The following PRKCG variants were observed in gnomAD, a reference collection of about 807,000 sequenced individuals.
PRKCG encodes the protein protein kinase C gamma type.
Under a neutral mutation model 82.0 loss-of-function variants are expected in PRKCG, and 28 were observed. The ratio of observed to expected loss-of-function variants is 0.34; its 90% CI spans 0.25 to 0.47. The LOEUF is 0.47. PRKCG is among the 20% of genes least tolerant of loss of function. The pLI is 1.00. For missense variants in PRKCG, 640 were observed against 952.7 expected, an observed-to-expected ratio of 0.67 and a Z score of 4.32; for synonymous variants, 383 against 376.6, an observed-to-expected ratio of 1.02 and a Z score of -0.20.
intron 11 of PRKCG, among the ~76,000 whole-genome samples, chr19:53,898,869 GGGTGGAGGGGCTCCTCGGGGGCGTGGCCA>G (rs2068740001): frequency 7.6e-6 from 1 of 131,536 alleles, no homozygotes; most frequent in Admixed American, 7.4e-5. Context: ...AGGCGAGGCC[GGGTGGAGGGGCTCCTCGGGGGCGTGGCCA>G]GGTGGAGGGA....
intron 17 of PRKCG, 82 bp from the exon 18 acceptor site, chr19:53,906,625 G>A (rs1207776184): frequency 1.9e-6 from 3 of 1,562,522 alleles, no homozygotes; most frequent in Non-Finnish European, 2.6e-6. Flanking sequence ...GCAGGAGACA[G>A]GAGATGAGAC....
In PRKCG at chr19:53,898,493, GA is replaced by G; in HGVS notation, c.1151del (p.Lys384ArgfsTer3). ...ATGAGCTCTACGCCATCAAGATCTTGAAAAAGGACGTGATCGTCCAGGACGA... is the reference window on the plus strand; with the variant it reads ...ATGAGCTCTACGCCATCAAGATCTTGAAAAGGACGTGATCGTCCAGGACGA... ...SDELYAIKILKKDVIVQDDDV... is the reference protein window; with the variant it reads ...SDELYAIKILXKDVIVQDDDV... On this transcript the variant is annotated frameshift_variant, in exon 11 of 18. Transcript: ENST00000263431. LOFTEE classifies it high-confidence loss of function. 3 of 1,613,896 alleles carry G rather than the reference GA, an allele frequency of 1.9e-6. No homozygotes were observed. The highest frequency in any genetic ancestry group is 2.5e-6 in the Non-Finnish European group (3 of 1,180,008).
At position 53,889,817 on chromosome 19, in the gene PRKCG, A is replaced by G. The variant is rs2068658365; in HGVS notation, c.397+68A>G. 2 of 1,516,244 alleles carry G rather than the reference A, an allele frequency of 1.3e-6. No individual in the cohort carries two copies. The highest frequency in any genetic ancestry group is 1.8e-6 in the Non-Finnish European group (2 of 1,112,546). The allele number at this position is 1,516,244 out of a possible 1,614,324, so 93.9% of individuals were successfully genotyped here. ...GTCTGGGTTCCGGGAAATGCCCGGG[A>G]TGGGGTGGGGGGTGGAGTCTTGGCT... On this transcript the variant is annotated intron_variant, in intron 4 of 17. Coordinates refer to ENST00000263431, the MANE Select transcript of PRKCG (RefSeq NM_002739.5). This position sits in a 1 kb window ranked among gnomAD's most constrained non-coding sequence, Gnocchi z 4.4.
At chr19:53,904,908 C>T (rs2068790673) in intron 16 of PRKCG, among the ~76,000 whole-genome samples, 166 bp downstream of exon 16, 1 of 152,176 alleles carries the variant, frequency 6.6e-6, no homozygotes, top group Non-Finnish European at 1.5e-5. Flanking sequence ...ATTTCCAGCC[C>T]TGTTGCCACG....
intron 9 of PRKCG, among the ~76,000 whole-genome samples, chr19:53,896,904 G>A (rs1330330361): frequency 6.6e-6 from 1 of 152,214 alleles, no homozygotes; most frequent in Non-Finnish European, 1.5e-5. Context: ...TGGTAAGAGA[G>A]GCATCTGACC....
Position 53,884,899 on chromosome 19 carries a change from C to T in PRKCG, c.285+656C>T, listed in dbSNP as rs1364517715. Among the ~76,000 whole-genome samples the T allele has an allele frequency of 6.6e-6, 1 of 152,234 alleles. No individual in the cohort carries two copies. The highest frequency in any genetic ancestry group is 6.5e-5 in the Admixed American group (1 of 15,284). Reference sequence around the variant, plus strand: ...TGCGTGCATGTACAGATGCCCCTGTCATCACAGATGTGCAGCACGCAGAGA... The same window carrying T: ...TGCGTGCATGTACAGATGCCCCTGTTATCACAGATGTGCAGCACGCAGAGA... On this transcript the variant is annotated intron_variant, in intron 3 of 17. Coordinates refer to ENST00000263431, the MANE Select transcript of PRKCG (RefSeq NM_002739.5). The surrounding 1 kb of genome is among the most constrained non-coding windows in gnomAD (Gnocchi z 4.6).
chr19:53,892,572 C>T lies in PRKCG; in HGVS notation c.750C>T (p.Thr250=), dbSNP rs188847649. Residue 250 remains threonine (T), a synonymous_variant, in exon 7 of 18, where the codon ACC becomes ACT. Transcript: ENST00000263431. The surrounding 1 kb of genome is among the most constrained non-coding windows in gnomAD (Gnocchi z 5.9). ...TGGAGGTGTGGGACTGGGACCGGAC[C>T]TCCCGCAACGACTTCATGGGGGCCA... ...LSVEVWDWDR[T]SRNDFMGAMS... 1.2e-6 allele frequency: 2 copies of T among 1,613,648 alleles called. No individual in the cohort carries two copies. Among genetic ancestry groups the T allele is most frequent in the East Asian group, 4.5e-5 (2 of 44,866 alleles).
In PRKCG at chr19:53,882,531, G is replaced by A. The variant is rs1194188447; in HGVS notation, c.37G>A (p.Gly13Arg). Residue 13 changes from glycine (G) to arginine (R), a missense_variant, in exon 1 of 18, where the codon GGG becomes AGG. Physicochemically the swap from Gly to Arg is moderately radical, Grantham distance 125. This residue lies in a region of PRKCG where 27 missense variants were observed against 23.9 expected (regional missense o/e 1.13). Coordinates refer to ENST00000263431, the MANE Select transcript of PRKCG (RefSeq NM_002739.5). This position sits in a 1 kb window ranked among gnomAD's most constrained non-coding sequence, Gnocchi z 6.1. The part of the protein sequence containing the change: ...GLGPGVGDSE[G>R]GPRPLFCRKG... ...GGGCCCCGGCGTAGGCGATTCAGAG[G>A]GGGGACCCCGGCCCCTGTTTTGCAG... 1.2e-6 allele frequency: 2 copies of A among 1,614,172 alleles called. No individual in the cohort carries two copies. Among genetic ancestry groups the A allele is most frequent in the Admixed American group, 1.7e-5 (1 of 60,022 alleles).
In PRKCG at chr19:53,884,357, G is replaced by A; in HGVS notation, c.285+114G>A. 1.9e-6 allele frequency: 2 copies of A among 1,029,662 alleles called. No homozygotes were observed. The highest frequency in any genetic ancestry group is 3.0e-6 in the Non-Finnish European group (2 of 666,820). 63.8% of individuals were successfully genotyped at this position (1,029,662 alleles called of 1,614,324 possible). ...TATGGCTGGGAGGGGAGGGGGGCTG[G>A]AGAGATAGGGGGAGCTATCTGGCCC... On this transcript the variant is annotated intron_variant, in intron 3 of 17. Coordinates refer to ENST00000263431, the MANE Select transcript of PRKCG (RefSeq NM_002739.5). The surrounding 1 kb of genome is among the most constrained non-coding windows in gnomAD (Gnocchi z 4.6).
rs189352604 is a variant in PRKCG at position 53,884,514 on chromosome 19, C to T, written c.285+271C>T. Among the ~76,000 whole-genome samples the T allele has an allele frequency of 6.3e-4, 96 of 152,046 alleles. 1 individual carries two copies. Among genetic ancestry groups the T allele is most frequent in the Admixed American group, 1.2e-3 (19 of 15,242 alleles). On this transcript the variant is annotated intron_variant, in intron 3 of 17. Transcript: ENST00000263431. The surrounding 1 kb of genome is among the most constrained non-coding windows in gnomAD (Gnocchi z 4.6). The stretch of plus-strand genomic sequence containing the variant: ...GTGCTGCCGGGGGTGGGCTGTGATC[C>T]AGGGGTGAAGGGATTTAAAAATTGA...
intron 9 of PRKCG, 89 bp from the exon 10 acceptor site, chr19:53,897,870 C>T: frequency 6.3e-7 from 1 of 1,581,244 alleles, no homozygotes. Context: ...TCATCCTTTC[C>T]TTTCTTGGGT....
Position 53,892,790 on chromosome 19 carries a change from A to T in PRKCG, c.821+147A>T, listed in dbSNP as rs973366836. Reference sequence around the variant, plus strand: ...CACACACACACACACACGCACACACACGCACACACCCCTCTCTCTCTATTC... The same window carrying T: ...CACACACACACACACACGCACACACTCGCACACACCCCTCTCTCTCTATTC... On this transcript the variant is annotated intron_variant, in intron 7 of 17. Coordinates refer to ENST00000263431, the MANE Select transcript of PRKCG (RefSeq NM_002739.5). This position sits in a 1 kb window ranked among gnomAD's most constrained non-coding sequence, Gnocchi z 5.9. 1.2e-6 allele frequency: 1 copy of T among 813,658 alleles called. No individual in the cohort carries two copies. The highest frequency in any genetic ancestry group is 1.7e-6 in the Non-Finnish European group (1 of 591,926). The allele number at this position is 813,658 out of a possible 1,614,324, so 50.4% of individuals were successfully genotyped here.
intron 3 of PRKCG, among the ~76,000 whole-genome samples, chr19:53,887,871 G>C (rs1050921216): frequency 6.6e-6 from 1 of 151,668 alleles, no homozygotes; most frequent in African/African-American, 2.4e-5. Flanking sequence ...TCAAGATTTG[G>C]CAAGAATGAT....
rs566599320 is a variant in PRKCG, at chr19:53,907,158, A to G, written c.*263A>G. 1.3e-4 allele frequency: 90 copies of G among 707,822 alleles called. No homozygotes were observed. The highest frequency in any genetic ancestry group is 8.8e-4 in the Middle Eastern group (2 of 2,262). 43.8% of individuals were successfully genotyped at this position (707,822 alleles called of 1,614,324 possible). ...CCTTAGCGTTCTGGACTCTGCCCCA[A>G]TCGGGTCCAGAGACCACACCACTAA... is the stretch of plus-strand genomic sequence containing the variant. On this transcript the variant is annotated 3_prime_UTR_variant, in exon 18 of 18. Coordinates refer to ENST00000263431, the MANE Select transcript of PRKCG (RefSeq NM_002739.5).
intron 14 of PRKCG, 97 bp from the exon 15 acceptor site, chr19:53,902,976 G>A (rs2068776268): frequency 2.6e-6 from 2 of 775,952 alleles, no homozygotes; most frequent in African/African-American, 1.7e-5. Context: ...TGTGCTGAAA[G>A]CACTTAACGT....
chr19:53,889,564 A>G lies in PRKCG; in HGVS notation c.286-74A>G, dbSNP rs181202619. 2,719 of 1,119,374 alleles carry G rather than the reference A, an allele frequency of 2.4e-3. 29 individuals are homozygous for G. The highest frequency in any genetic ancestry group is 2.3e-3 in the Middle Eastern group (12 of 5,150). The allele number at this position is 1,119,374 out of a possible 1,614,324, so 69.3% of individuals were successfully genotyped here. On this transcript the variant is annotated intron_variant, in intron 3 of 17. Transcript: ENST00000263431. This position sits in a 1 kb window ranked among gnomAD's most constrained non-coding sequence, Gnocchi z 4.4. ...GACCTAGAGAGCAAGGCAGGAGGAA[A>G]AGATAAAAGGGCCCCTCCCCTGGGG...
chr19:53,887,829 CAA>C (rs60094916), intron 3 of PRKCG, among the ~76,000 whole-genome samples: 4,620 of 57,548 alleles, frequency 0.08, 185 homozygotes, highest in African/African-American at 0.19. Context: ...GACTCCATCT[CAA>C]AAAAAAAAAA....
At chr19:53,905,357 C>CT (rs959270675) in intron 16 of PRKCG, among the ~76,000 whole-genome samples, 1 of 147,822 alleles carries the variant, frequency 6.8e-6, no homozygotes, top group Non-Finnish European at 1.5e-5. Flanking sequence ...CCCCCCATCT[C>CT]TGTCCCCTCC....
Position 53,892,637 on chromosome 19 carries a change from A to G in PRKCG, c.815A>G (p.Asp272Gly). 1.9e-6 allele frequency: 3 copies of G among 1,611,408 alleles called. No homozygotes were observed. The highest frequency in any genetic ancestry group is 2.5e-6 in the Non-Finnish European group (3 of 1,179,730). ...GVSELLKAPV[D>G]GWYKLLNQEE... ...TCGGAGCTGCTCAAGGCGCCCGTGGATGGCTGGTGAGGAGCAGGGCTGGGG... is the reference window on the plus strand; with the variant it reads ...TCGGAGCTGCTCAAGGCGCCCGTGGGTGGCTGGTGAGGAGCAGGGCTGGGG... Residue 272 changes from aspartate (D) to glycine (G), a missense_variant, in exon 7 of 18, where the codon GAT (aspartate) becomes GGT (glycine). Physicochemically the swap from Asp to Gly is moderately conservative, Grantham distance 94 (BLOSUM62 -1). Coordinates refer to ENST00000263431, the MANE Select transcript of PRKCG (RefSeq NM_002739.5). This position sits in a 1 kb window ranked among gnomAD's most constrained non-coding sequence, Gnocchi z 5.9.
Sources: allele counts gnomAD v4.1 joint callset (sites outside exome capture counted in the v4.1 genomes callset), GRCh38; gene constraint gnomAD v4.1.1; regional missense constraint gnomAD v4.1.1; non-coding constraint Gnocchi (gnomAD v3.1); transcripts MANE v1.5; gene names NCBI Gene and HGNC (gene_info 2026-07-23, HGNC 2026-07-21).